Variants in HGSNAT observed in about 807,000 individuals in gnomAD.
HGSNAT encodes the protein heparan-alpha-glucosaminide N-acetyltransferase, also known as transmembrane protein 76.
Under a neutral mutation model 85.2 loss-of-function variants are expected in HGSNAT, and 59 were observed. The ratio of observed to expected loss-of-function variants is 0.69; its 90% CI spans 0.56 to 0.86. HGSNAT has a LOEUF of 0.86. HGSNAT is among the 40% of genes least tolerant of loss of function. HGSNAT has a pLI of 0.00. For synonymous variants in HGSNAT, 321 were observed against 304.5 expected (o/e 1.05, Z -0.56); for missense variants, 756 against 777.1 (o/e 0.97, Z 0.32).
At chr8:43,173,180 G>T (rs1009566311) in intron 8 of HGSNAT, among the ~76,000 whole-genome samples, 1 of 151,638 alleles carries the variant, frequency 6.6e-6, no homozygotes, top group Non-Finnish European at 1.5e-5. Flanking sequence ...AGTACAGATG[G>T]TGTCTCACTC....
chr8:43,160,568 AAG>A (rs1324827883), intron 4 of HGSNAT, among the ~76,000 whole-genome samples: 1 of 152,210 alleles, frequency 6.6e-6, no homozygotes, highest in African/African-American at 2.4e-5. Context: ...GTGTTGCAAA[AAG>A]AGTTCTCAAA....
chr8:43,165,223 G>A (rs939284131), intron 5 of HGSNAT, among the ~76,000 whole-genome samples: 4 of 151,888 alleles, frequency 2.6e-5, no homozygotes, highest in Non-Finnish European at 4.4e-5. Flanking sequence ...TATTATATCT[G>A]TTATGGTGAT....
chr8:43,168,372 T>C (rs530714573), intron 5 of HGSNAT, among the ~76,000 whole-genome samples: 83 of 150,000 alleles, frequency 5.5e-4, no homozygotes, highest in Non-Finnish European at 1.0e-4. Context: ...CTTTTTGTAT[T>C]TAATAGTTGA....
chr8:43,196,895 A>G (rs1446847185), intron 14 of HGSNAT, 53 bp from the exon 15 acceptor site: 1 of 1,106,594 alleles, frequency 9.0e-7, no homozygotes, highest in Non-Finnish European at 1.4e-6. Context: ...TTAATATGAA[A>G]TAAAAATATC....
At chr8:43,179,265 C>T (rs1359975862) in intron 10 of HGSNAT, among the ~76,000 whole-genome samples, 15 of 149,670 alleles carry the variant, frequency 1.0e-4, no homozygotes, top group Middle Eastern at 3.4e-3. Flanking sequence ...CCCTCCCGGA[C>T]GGGGCGGCTG....
intron 9 of HGSNAT, among the ~76,000 whole-genome samples, chr8:43,177,236 TCTAA>T (rs1443986076): frequency 6.6e-6 from 1 of 152,072 alleles, no homozygotes; most frequent in Non-Finnish European, 1.5e-5. Flanking sequence ...AAATCAGTAT[TCTAA>T]CTTTTTTTTT....
At chr8:43,145,732 CAGAGCAAGACTCCATTTA>C (rs1802692593) in intron 1 of HGSNAT, among the ~76,000 whole-genome samples, 1 of 151,504 alleles carries the variant, frequency 6.6e-6, no homozygotes, top group Non-Finnish European at 1.5e-5. Context: ...GCCTGGGTGA[CAGAGCAAGACTCCATTTA>C]AAAAAAAAAG....
At chr8:43,140,968 G>A (rs908169727) in intron 1 of HGSNAT, among the ~76,000 whole-genome samples, 2 of 152,210 alleles carry the variant, frequency 1.3e-5, no homozygotes, top group African/African-American at 4.8e-5. Flanking sequence ...GCAGCCAGGA[G>A]GCGGGCCAGC....
Position 43,178,867 on chromosome 8 carries a change from C to T in HGSNAT, c.1012+633C>T, listed in dbSNP as rs1201963364. On this transcript the variant is annotated intron_variant, in intron 10 of 17. Transcript: ENST00000379644. ...GTTTAACAAAGCACATCTTGCACCA[C>T]CCTTAATCCATTTAACCCTGAGTGG... Among the ~76,000 whole-genome samples the T allele has an allele frequency of 3.4e-5, 5 of 147,872 alleles. No homozygotes were observed. In the Middle Eastern group the frequency reaches 0.01, roughly 306 times the overall value.
chr8:43,182,486 C>G, intron 11 of HGSNAT: 1 of 553,516 alleles, frequency 1.8e-6, no homozygotes, highest in Non-Finnish European at 3.3e-6. Context: ...CTGTGTTGCC[C>G]AGGCTGGGGT....
chr8:43,147,538 A>G (rs1802756793), intron 2 of HGSNAT, among the ~76,000 whole-genome samples: 2 of 152,214 alleles, frequency 1.3e-5, no homozygotes, highest in Non-Finnish European at 2.9e-5. Flanking sequence ...CTATTCTTTC[A>G]TGTAAAATAA....
intron 5 of HGSNAT, among the ~76,000 whole-genome samples, chr8:43,164,647 G>A (rs191545575): frequency 0.012 from 1,848 of 152,230 alleles, 25 homozygotes; most frequent in Non-Finnish European, 0.016. Context: ...TGGGCGTGGC[G>A]GCGCACGCCT....
chr8:43,168,012 G>A (rs2130738577), intron 5 of HGSNAT: 1 of 229,306 alleles, frequency 4.4e-6, no homozygotes, highest in South Asian at 3.9e-5. Context: ...TCTGCCTCCC[G>A]GGTTCACACC....
chr8:43,166,039 A>C (rs1803424063), intron 5 of HGSNAT, among the ~76,000 whole-genome samples: 1 of 152,246 alleles, frequency 6.6e-6, no homozygotes, highest in East Asian at 1.9e-4. Flanking sequence ...CTTAAGCCAA[A>C]GCCTAATCCA....
chr8:43,199,525 A>T lies in HGSNAT; in HGVS notation c.1864A>T (p.Ile622Phe). The change falls in exon 18 of 18, where the codon ATT becomes TTT. Residue 622 changes from isoleucine (I) to phenylalanine (F), a missense_variant. Ile to Phe is a conservative substitution (Grantham distance 21). Coordinates refer to ENST00000379644, the MANE Select transcript of HGSNAT (RefSeq NM_152419.3). ...NIVATALWVL[I>F]AYILYRKKIF... ...CGTCGCCACTGCCCTCTGGGTGCTC[A>T]TTGCCTACATCCTCTATAGAAAGAA... The T allele has an allele frequency of 5.6e-6, 9 of 1,605,210 alleles. No homozygotes were observed. Among genetic ancestry groups the T allele is most frequent in the Non-Finnish European group, 7.7e-6 (9 of 1,175,412 alleles).
At chr8:43,195,199 C>A (rs2130813973) in intron 14 of HGSNAT, among the ~76,000 whole-genome samples, 1 of 152,110 alleles carries the variant, frequency 6.6e-6, no homozygotes. Flanking sequence ...GACACTGTCC[C>A]CCCATGCAGT....
rs377050184 is a variant in HGSNAT at position 43,197,860 on chromosome 8, C to T, written c.1634C>T (p.Thr545Met). 3.0e-5 allele frequency: 48 copies of T among 1,613,820 alleles called. No homozygotes were observed. The highest frequency in any genetic ancestry group is 1.6e-4 in the African/African-American group (12 of 74,936). ...CCCAGGTCCCTTTCGTATGTCACTACGCTCAGTTCTTTTGCCTTCTTCATC... is the reference window on the plus strand; with the variant it reads ...CCCAGGTCCCTTTCGTATGTCACTATGCTCAGTTCTTTTGCCTTCTTCATC... ...KNLWSLSYVT[T>M]LSSFAFFILL... is the part of the protein sequence containing the mutation. Residue 545 changes from threonine (T) to methionine (M), a missense_variant, in exon 17 of 18, where the codon ACG becomes ATG. Coordinates refer to ENST00000379644, the MANE Select transcript of HGSNAT (RefSeq NM_152419.3).
intron 2 of HGSNAT, among the ~76,000 whole-genome samples, chr8:43,155,871 T>C (rs1055100462): frequency 6.6e-6 from 1 of 152,102 alleles, no homozygotes; most frequent in Non-Finnish European, 1.5e-5. Flanking sequence ...GATGGAGTTG[T>C]GCTCTTTTTG....
In HGSNAT at chr8:43,202,747, CTT is replaced by C; in HGVS notation, c.*3179_*3180del. 1 of 152,228 alleles carries C rather than the reference CTT, an allele frequency of 6.6e-6. No homozygotes were observed. The highest frequency in any genetic ancestry group is 1.9e-4 in the East Asian group (1 of 5,204). 9.4% of individuals were successfully genotyped at this position (152,228 alleles called of 1,614,324 possible). Reference sequence around the variant, plus strand: ...CCCAGTTTGTATCAAAGGGTATCGACTTAAGTGAAATTTCAACATGCTGTTAC... The same window carrying C: ...CCCAGTTTGTATCAAAGGGTATCGACAAGTGAAATTTCAACATGCTGTTAC... On this transcript the variant is annotated 3_prime_UTR_variant, in exon 18 of 18. Coordinates refer to ENST00000379644, the MANE Select transcript of HGSNAT (RefSeq NM_152419.3).
Sources: gnomAD v4.1 joint callset for allele counts (sites outside exome capture counted in the v4.1 genomes callset) on GRCh38, gnomAD v4.1.1 for gene constraint, MANE v1.5 for transcripts, NCBI Gene and HGNC (gene_info 2026-07-23, HGNC 2026-07-21) for gene names.